Variants in MAPK10 observed in about 807,000 individuals in gnomAD.
The protein encoded by MAPK10 is mitogen-activated protein kinase 10, also known as JNK3 alpha protein kinase.
MAPK10 carries 25 observed loss-of-function variants against 59.3 expected under a neutral mutation model. The observed-to-expected ratio is 0.42, with a 90% CI of 0.31 to 0.59. The LOEUF (loss-of-function observed/expected upper bound fraction) is 0.59, where lower values mean the gene tolerates loss of function less well. Ranked by LOEUF, MAPK10 falls within the 20% of genes least tolerant of loss-of-function variation. MAPK10 has a pLI of 0.15. For synonymous variants in MAPK10, 190 were observed against 200.5 expected (o/e 0.95, Z 0.44); for missense variants, 351 against 568.9 (o/e 0.62, Z 3.90).
At chr4:86,576,643 G>C (rs866588200) in intron 1 of MAPK10, among the ~76,000 whole-genome samples, 2 of 152,048 alleles carry the variant, frequency 1.3e-5, no homozygotes, top group Middle Eastern at 3.4e-3. Flanking sequence ...GCGCGGTGGC[G>C]GGTGCCTGTA....
At chr4:86,088,714 A>C (rs779622798) in intron 9 of MAPK10, among the ~76,000 whole-genome samples, 1 of 152,190 alleles carries the variant, frequency 6.6e-6, no homozygotes, top group Non-Finnish European at 1.5e-5. Context: ...CAATTGTAAA[A>C]TGAAATTCAC....
chr4:86,459,887 C>T (rs1416853711), intron 1 of MAPK10, among the ~76,000 whole-genome samples: 1 of 151,892 alleles, frequency 6.6e-6, no homozygotes, highest in Non-Finnish European at 1.5e-5. Flanking sequence ...TGTAACCAAA[C>T]ACCACCTGTT....
intron 1 of MAPK10, among the ~76,000 whole-genome samples, chr4:86,522,588 T>C (rs1757195415): frequency 6.6e-6 from 1 of 152,198 alleles, no homozygotes; most frequent in Admixed American, 6.5e-5. Context: ...TTCTCCTGTT[T>C]TGTTGTATTC....
At position 86,035,285 on chromosome 4, in the gene MAPK10, C is replaced by T. The variant is rs183691072; in HGVS notation, c.1111-3854G>A. On this transcript the variant is annotated intron_variant, in intron 11 of 13. Transcript: ENST00000641462. ...ACTCGGGAGGCTGAGGCAGGAGAAT[C>T]GCTTGAACCCGGGAGGTGGAGGTTG... Among the ~76,000 whole-genome samples, 196 of 145,666 alleles carry T rather than the reference C, an allele frequency of 1.3e-3. 1 individual carries two copies. Among genetic ancestry groups the T allele is most frequent in the African/African-American group, 4.9e-3 (191 of 39,238 alleles).
At chr4:86,080,184 A>G (rs1469767483) in intron 9 of MAPK10, 2 of 152,052 alleles carry the variant, frequency 1.3e-5, no homozygotes, top group African/African-American at 2.4e-5. Flanking sequence ...ATTCGAAGAA[A>G]CGACAGCTGA....
At chr4:86,582,169 G>A (rs534487324) in intron 1 of MAPK10, among the ~76,000 whole-genome samples, 4 of 151,516 alleles carry the variant, frequency 2.6e-5, no homozygotes, top group East Asian at 3.9e-4. Context: ...AATATAAAAC[G>A]CATTTAGGAA....
intron 2 of MAPK10, among the ~76,000 whole-genome samples, chr4:86,240,661 C>T (rs6814005): frequency 0.2 from 29,598 of 151,012 alleles, 3,515 homozygotes; most frequent in African/African-American, 0.33. Flanking sequence ...GATTGCAACC[C>T]GTGCCTTTTT....
chr4:86,477,527 C>T (rs1753201415), intron 1 of MAPK10, among the ~76,000 whole-genome samples: 1 of 152,196 alleles, frequency 6.6e-6, no homozygotes, highest in Non-Finnish European at 1.5e-5. Context: ...TCATGTACCC[C>T]TACCATCTCA....
intron 1 of MAPK10, among the ~76,000 whole-genome samples, chr4:86,588,414 A>C (rs1762782132): frequency 1.3e-5 from 2 of 152,208 alleles, no homozygotes; most frequent in African/African-American, 2.4e-5. Flanking sequence ...ATCCTCAAAC[A>C]GTTAACAGAA....
chr4:86,481,009 G>A (rs1311230209), intron 1 of MAPK10, among the ~76,000 whole-genome samples: 2 of 152,182 alleles, frequency 1.3e-5, no homozygotes, highest in South Asian at 2.1e-4. Context: ...GCCTTTCTGT[G>A]TAGGATTCCT....
intron 1 of MAPK10, among the ~76,000 whole-genome samples, chr4:86,408,105 G>C (rs963214044): frequency 7.8e-6 from 1 of 128,488 alleles, no homozygotes; most frequent in African/African-American, 3.0e-5. Flanking sequence ...CTGTGTCCAT[G>C]TGTTCTCATT....
intron 2 of MAPK10, among the ~76,000 whole-genome samples, chr4:86,251,312 C>T (rs2093411543): frequency 6.6e-6 from 1 of 152,040 alleles, no homozygotes; most frequent in Non-Finnish European, 1.5e-5. Flanking sequence ...TCTACCAATG[C>T]TATCCCTCCC....
intron 1 of MAPK10, among the ~76,000 whole-genome samples, chr4:86,432,513 C>G (rs1748176248): frequency 6.6e-6 from 1 of 152,192 alleles, no homozygotes; most frequent in African/African-American, 2.4e-5. Context: ...CACCAGACCT[C>G]AGGTGATCTG....
intron 1 of MAPK10, among the ~76,000 whole-genome samples, chr4:86,402,083 C>T (rs1743804227): frequency 6.6e-6 from 1 of 152,068 alleles, no homozygotes; most frequent in Admixed American, 6.5e-5. Context: ...ATACCTAAGA[C>T]TGCTGGAACA....
intron 8 of MAPK10, chr4:86,100,558 A>C (rs924514275): frequency 2.0e-5 from 3 of 152,414 alleles, no homozygotes; most frequent in African/African-American, 7.2e-5. Context: ...CAGTTTAAAT[A>C]ATTTGGATTA....
At chr4:86,026,920 T>C (rs988880519) in intron 13 of MAPK10, 1 of 152,108 alleles carries the variant, frequency 6.6e-6, no homozygotes, top group Non-Finnish European at 1.5e-5. Flanking sequence ...ACGCCCTGAT[T>C]TGTAGGGTCT....
rs201513268 is a variant in MAPK10, at chr4:86,415,150, A to AC, written c.-122+37879_-122+37880insG. The stretch of plus-strand genomic sequence containing the variant: ...CAAGATTCTGTCAAAAAAAAAAAAA[A>AC]AAAAAACTTCCATTACGGCATTTTA... On this transcript the variant is annotated intron_variant, in intron 1 of 13. Transcript: ENST00000361569. 9.8e-3 allele frequency among the ~76,000 whole-genome samples: 1,493 copies of AC among 151,864 alleles called. 16 individuals are homozygous for AC. Among genetic ancestry groups the AC allele is most frequent in the African/African-American group, 0.026 (1,083 of 41,402 alleles).
intron 1 of MAPK10, among the ~76,000 whole-genome samples, chr4:86,562,419 T>A (rs1760747667): frequency 6.6e-6 from 1 of 152,186 alleles, no homozygotes; most frequent in Non-Finnish European, 1.5e-5. Context: ...CTGGGTACAG[T>A]GGCTCACACC....
At chr4:86,174,160 G>T (rs2075106398) in intron 3 of MAPK10, among the ~76,000 whole-genome samples, 1 of 145,806 alleles carries the variant, frequency 6.9e-6, no homozygotes. Context: ...TACTATAAAG[G>T]TACATGCACA....
Sources: allele counts gnomAD v4.1 joint callset (sites outside exome capture counted in the v4.1 genomes callset), GRCh38; gene constraint gnomAD v4.1.1; transcripts MANE v1.5; gene names NCBI Gene and HGNC (gene_info 2026-07-23, HGNC 2026-07-21).